The following MCF2L2 variants were observed in gnomAD, a reference collection of about 807,000 sequenced individuals.
The protein encoded by MCF2L2 is probable guanine nucleotide exchange factor MCF2L2.
A neutral mutation model predicts 150.2 loss-of-function variants in MCF2L2; 102 were observed. The observed-to-expected ratio is 0.68, with a 90% CI of 0.58 to 0.80. The LOEUF (loss-of-function observed/expected upper bound fraction) is 0.80, where lower values mean the gene tolerates loss of function less well. MCF2L2 is among the 30% of genes least tolerant of loss of function. The pLI, the probability that MCF2L2 is intolerant of heterozygous loss-of-function variation, is 0.00. For synonymous variants in MCF2L2, 465 were observed against 491.3 expected (o/e 0.95, Z 0.71); for missense variants, 1,256 against 1,372.8 (o/e 0.91, Z 1.34).
chr3:183,420,083 T>C (rs183633748), intron 1 of MCF2L2, among the ~76,000 whole-genome samples: 26 of 152,310 alleles, frequency 1.7e-4, no homozygotes, highest in African/African-American at 2.4e-4. Context: ...CTGGACTTCA[T>C]TGTGCATATC....
In MCF2L2 at chr3:183,240,333, G is replaced by C. The variant is rs116251950; in HGVS notation, c.1863-9316C>G. On this transcript the variant is annotated intron_variant, in intron 15 of 29. Coordinates refer to ENST00000328913, the MANE Select transcript of MCF2L2 (RefSeq NM_015078.4). ...CAACTGCCACCTCTCAGGTTCAAAT[G>C]GTTCTCGTGCCTCAGCCTCCCCAGT... Among the ~76,000 whole-genome samples, 604 of 152,284 alleles carry C rather than the reference G, an allele frequency of 4.0e-3. 2 individuals carry two copies. Among genetic ancestry groups the C allele is most frequent in the African/African-American group, 0.013 (555 of 41,566 alleles).
intron 1 of MCF2L2, among the ~76,000 whole-genome samples, chr3:183,413,896 G>C (rs1427211107): frequency 5.9e-5 from 9 of 152,208 alleles, no homozygotes; most frequent in Non-Finnish European, 1.0e-4. Flanking sequence ...CTGAGGAGGA[G>C]GAAGAAGAGG....
At chr3:183,319,339 ACCTGCAGTTACTT>A (rs979280964) in intron 6 of MCF2L2, among the ~76,000 whole-genome samples, 3 of 152,090 alleles carry the variant, frequency 2.0e-5, no homozygotes, top group African/African-American at 7.2e-5. Context: ...TTTCCACCAC[ACCTGCAGTTACTT>A]CCCCAACTAA....
At chr3:183,213,953 A>G (rs1454883151) in intron 22 of MCF2L2, among the ~76,000 whole-genome samples, 2 of 152,238 alleles carry the variant, frequency 1.3e-5, no homozygotes, top group Non-Finnish European at 2.9e-5. Flanking sequence ...CTGAGGACAC[A>G]TGGTCAAAAA....
intron 27 of MCF2L2, chr3:183,182,548 T>G (rs568260771): frequency 6.6e-6 from 1 of 152,396 alleles, no homozygotes; most frequent in South Asian, 2.1e-4. Context: ...CTATCATGCT[T>G]TGTTCTATCC....
At chr3:183,230,908 G>T in intron 16 of MCF2L2, 43 bp downstream of exon 16, 2 of 1,455,424 alleles carry the variant, frequency 1.4e-6, no homozygotes, top group African/African-American at 1.4e-5. Context: ...AACATCTGCA[G>T]TTTGAATATA....
chr3:183,416,131 C>T (rs1255880960), intron 1 of MCF2L2, among the ~76,000 whole-genome samples: 1 of 152,078 alleles, frequency 6.6e-6, no homozygotes. Context: ...AGAAATGTTA[C>T]TTCTATATAG....
At chr3:183,293,563 A>G (rs867090937) in intron 13 of MCF2L2, among the ~76,000 whole-genome samples, 8 of 152,380 alleles carry the variant, frequency 5.3e-5, no homozygotes, top group Middle Eastern at 3.4e-3. Flanking sequence ...AAATAGAAAT[A>G]GAAGAGAATT....
intron 3 of MCF2L2, chr3:183,378,670 G>A (rs1300329295): frequency 6.6e-6 from 1 of 151,966 alleles, no homozygotes; most frequent in Non-Finnish European, 1.5e-5. Context: ...CCCTAAACAA[G>A]GGTCATGTGT....
At chr3:183,257,603 CTT>C (rs545599127) in intron 15 of MCF2L2, among the ~76,000 whole-genome samples, 81 of 152,304 alleles carry the variant, frequency 5.3e-4, no homozygotes, top group Non-Finnish European at 9.3e-4. Flanking sequence ...ACATATACCT[CTT>C]GTTTTACACC....
chr3:183,217,471 C>T (rs1722989125), intron 21 of MCF2L2, among the ~76,000 whole-genome samples: 1 of 151,278 alleles, frequency 6.6e-6, no homozygotes, highest in African/African-American at 2.4e-5. Flanking sequence ...GACCTTGTCT[C>T]ACAAAAAAAG....
intron 21 of MCF2L2, among the ~76,000 whole-genome samples, chr3:183,216,865 A>C (rs1011175864): frequency 4.6e-5 from 7 of 150,894 alleles, no homozygotes; most frequent in Admixed American, 1.3e-4. Flanking sequence ...TTGGCCTCCT[A>C]AAGTGCTGGG....
intron 25 of MCF2L2, among the ~76,000 whole-genome samples, chr3:183,204,443 A>C (rs1464712246): frequency 6.7e-6 from 1 of 150,292 alleles, no homozygotes; most frequent in Admixed American, 6.8e-5. Flanking sequence ...ATACTAGTAC[A>C]TGCCCACTAG....
At chr3:183,323,154 G>T in intron 6 of MCF2L2, 81 bp downstream of exon 6, 1 of 957,530 alleles carries the variant, frequency 1.0e-6, no homozygotes, top group Non-Finnish European at 1.6e-6. Flanking sequence ...TGACCTCCTG[G>T]CAGTTGATCT....
chr3:183,207,855 T>C (rs1374715490), intron 22 of MCF2L2, 32 bp from the exon 23 acceptor site: 11 of 1,535,954 alleles, frequency 7.2e-6, no homozygotes, highest in African/African-American at 1.4e-5. Flanking sequence ...GAAAAGAAGC[T>C]GTAAAATTAC....
intron 12 of MCF2L2, chr3:183,296,398 CT>C: frequency 6.5e-6 from 1 of 153,508 alleles, no homozygotes; most frequent in Non-Finnish European, 1.5e-5. Flanking sequence ...GCACCCTGAC[CT>C]TTTGGTCTGC....
chr3:183,346,474 G>A (rs1577079324), intron 3 of MCF2L2, among the ~76,000 whole-genome samples: 1 of 152,164 alleles, frequency 6.6e-6, no homozygotes, highest in African/African-American at 2.4e-5. Context: ...GGGCAAAGCT[G>A]GAAGCATTCC....
intron 3 of MCF2L2, among the ~76,000 whole-genome samples, chr3:183,347,010 T>C (rs1287931544): frequency 1.3e-5 from 2 of 152,152 alleles, no homozygotes; most frequent in South Asian, 2.1e-4. Flanking sequence ...TTACTGCTAT[T>C]CCCATCAAGC....
intron 1 of MCF2L2, chr3:183,400,337 T>C (rs1441634460): frequency 2.2e-6 from 1 of 448,392 alleles, no homozygotes; most frequent in African/African-American, 2.0e-5. Context: ...CATGCATCCT[T>C]GCTTCCACAC....
Sources: gnomAD v4.1 joint callset for allele counts (sites outside exome capture counted in the v4.1 genomes callset) on GRCh38, gnomAD v4.1.1 for gene constraint, MANE v1.5 for transcripts, NCBI Gene and HGNC (gene_info 2026-07-23, HGNC 2026-07-21) for gene names.